The following SLCO1A2 variants were observed in gnomAD, a reference collection of about 807,000 sequenced individuals.
The protein encoded by SLCO1A2 is OATP-1.
A neutral mutation model predicts 69.0 loss-of-function variants in SLCO1A2; 67 were observed. That is an observed-to-expected ratio of 0.97 (90% CI 0.80 to 1.19). SLCO1A2 has a LOEUF of 1.19. SLCO1A2 is among the 50% of genes most tolerant of loss of function. SLCO1A2 has a pLI of 0.00. For missense variants in SLCO1A2, 787 were observed against 793.7 expected (o/e 0.99, Z 0.10); for synonymous variants, 260 against 265.9 (o/e 0.98, Z 0.22).
intron 14 of SLCO1A2, among the ~76,000 whole-genome samples, chr12:21,270,324 A>G (rs1942583773): frequency 6.6e-6 from 1 of 151,824 alleles, no homozygotes; most frequent in Non-Finnish European, 1.5e-5. Context: ...TATTACACCA[A>G]TAGATTTTCT....
chr12:21,309,484 C>A (rs927296615), intron 4 of SLCO1A2, among the ~76,000 whole-genome samples: 1 of 152,070 alleles, frequency 6.6e-6, no homozygotes, highest in Non-Finnish European at 1.5e-5. Context: ...TGAATAATAA[C>A]ACTTGATTAC....
chr12:21,319,056 G>A (rs948081887), intron 2 of SLCO1A2, 133 bp from the exon 3 acceptor site: 2 of 721,248 alleles, frequency 2.8e-6, no homozygotes, highest in Admixed American at 3.0e-5. Context: ...GCAAGAAACT[G>A]TAAAGTGTAG....
intron 2 of SLCO1A2, 117 bp downstream of exon 2, chr12:21,334,471 A>G (rs928456116): frequency 1.5e-6 from 1 of 686,918 alleles, no homozygotes; most frequent in East Asian, 2.8e-5. Context: ...TCAATAGAAC[A>G]GGCAATATGG....
At chr12:21,309,193 A>G (rs1949802563) in intron 4 of SLCO1A2, among the ~76,000 whole-genome samples, 1 of 152,210 alleles carries the variant, frequency 6.6e-6, no homozygotes, top group South Asian at 2.1e-4. Flanking sequence ...GGGATAAAAG[A>G]TGAGAAAAAC....
chr12:21,416,776 GA>G (rs1482940253), intron 1 of SLCO1A2, among the ~76,000 whole-genome samples: 1 of 151,272 alleles, frequency 6.6e-6, no homozygotes, highest in South Asian at 2.1e-4. Context: ...AGTCAACCAA[GA>G]AAAAAAATAC....
At chr12:21,274,206 T>C in intron 14 of SLCO1A2, 1 of 337,518 alleles carries the variant, frequency 3.0e-6, no homozygotes, top group Non-Finnish European at 5.5e-6. Flanking sequence ...TTGTGTTGAC[T>C]GCTAAGAATT....
intron 6 of SLCO1A2, 147 bp downstream of exon 6, chr12:21,304,280 T>C: frequency 1.6e-6 from 1 of 620,080 alleles, no homozygotes; most frequent in African/African-American, 1.8e-5. Flanking sequence ...CTCATCTCCA[T>C]TCAACAAACT....
chr12:21,285,072 GT>G (rs1945501022), intron 12 of SLCO1A2, among the ~76,000 whole-genome samples: 2 of 93,374 alleles, frequency 2.1e-5, no homozygotes, highest in Non-Finnish European at 4.3e-5. Context: ...CCAGGAGCTG[GT>G]TTTTTGAAAG....
intron 7 of SLCO1A2, 55 bp downstream of exon 7, chr12:21,301,116 A>C: frequency 3.7e-6 from 4 of 1,086,938 alleles, no homozygotes; most frequent in Non-Finnish European, 5.3e-6. Context: ...ATGATAACAT[A>C]CCTGAGATGC....
intron 1 of SLCO1A2, among the ~76,000 whole-genome samples, chr12:21,415,269 A>G (rs1474536857): frequency 1.3e-5 from 2 of 152,032 alleles, no homozygotes; most frequent in Non-Finnish European, 2.9e-5. Flanking sequence ...CTTGATTCCT[A>G]CCATACTACC....
intron 2 of SLCO1A2, among the ~76,000 whole-genome samples, chr12:21,350,896 G>C (rs976382949): frequency 1.4e-5 from 2 of 138,728 alleles, no homozygotes; most frequent in Non-Finnish European, 3.1e-5. Context: ...AAATTAGATT[G>C]ATTTTTATTT....
chr12:21,370,326 C>T (rs1446886660), intron 2 of SLCO1A2, among the ~76,000 whole-genome samples: 1 of 147,670 alleles, frequency 6.8e-6, no homozygotes, highest in Admixed American at 6.7e-5. Flanking sequence ...CCAGGTCTTC[C>T]TTTTCTTTTT....
chr12:21,377,936 T>G (rs1189738611), intron 1 of SLCO1A2, among the ~76,000 whole-genome samples: 1 of 152,192 alleles, frequency 6.6e-6, no homozygotes, highest in African/African-American at 2.4e-5. Flanking sequence ...TTTTTAAAAA[T>G]GTAAGACAAA....
chr12:21,351,941 A>G (rs1204360831), intron 2 of SLCO1A2, among the ~76,000 whole-genome samples: 1 of 152,122 alleles, frequency 6.6e-6, no homozygotes, highest in East Asian at 1.9e-4. Flanking sequence ...TTTGGGTCCC[A>G]GTTTAGATTG....
intron 2 of SLCO1A2, among the ~76,000 whole-genome samples, chr12:21,346,304 T>C (rs921612846): frequency 2.0e-5 from 3 of 152,180 alleles, no homozygotes; most frequent in African/African-American, 7.2e-5. Context: ...CAGAGGTGGC[T>C]TTCAGTGTCT....
chr12:21,378,726 G>A lies in SLCO1A2; in HGVS notation c.-189-4201C>T, dbSNP rs1375348018. Reference sequence around the variant, plus strand: ...TTTAAGAACGAAGGAGAAAAAGGTAGTTTGAACCTTGGTAAATTGTAAACA... The same window carrying A: ...TTTAAGAACGAAGGAGAAAAAGGTAATTTGAACCTTGGTAAATTGTAAACA... On this transcript the variant is annotated intron_variant, in intron 1 of 15. Transcript: ENST00000307378. 18 of 273,066 alleles carry A rather than the reference G, an allele frequency of 6.6e-5. 2 individuals are homozygous for A. The highest frequency in any genetic ancestry group is 1.2e-3 in the Middle Eastern group (1 of 802). 16.9% of individuals were successfully genotyped at this position (273,066 alleles called of 1,614,324 possible).
chr12:21,383,980 G>T (rs1940740236), intron 1 of SLCO1A2, among the ~76,000 whole-genome samples: 1 of 152,130 alleles, frequency 6.6e-6, no homozygotes, highest in Admixed American at 6.5e-5. Context: ...GTGTGATTAA[G>T]TTGATAGAGT....
rs1413805181 is a variant in SLCO1A2 at position 21,267,897 on chromosome 12, T to C, written c.*1651A>G. 6.6e-6 allele frequency: 1 copy of C among 152,098 alleles called. No individual in the cohort carries two copies. The highest frequency in any genetic ancestry group is 2.4e-5 in the African/African-American group (1 of 41,434). The allele number at this position is 152,098 out of a possible 1,614,324, so 9.4% of individuals were successfully genotyped here. On this transcript the variant is annotated 3_prime_UTR_variant, in exon 15 of 15. Coordinates refer to ENST00000683939, the MANE Select transcript of SLCO1A2 (RefSeq NM_001386879.1). The stretch of plus-strand genomic sequence containing the variant: ...GATATCTCACTGCTGCAGTCATACC[T>C]ACATCAAAGTTAAACTCCCCCTTTC...
intron 1 of SLCO1A2, among the ~76,000 whole-genome samples, chr12:21,414,785 A>G (rs761960656): frequency 1.3e-4 from 20 of 152,334 alleles, no homozygotes; most frequent in African/African-American, 4.6e-4. Context: ...AAATTTTAGT[A>G]TAATCCTGGA....
Sources: allele counts gnomAD v4.1 joint callset (sites outside exome capture counted in the v4.1 genomes callset), GRCh38; gene constraint gnomAD v4.1.1; transcripts MANE v1.5; gene names NCBI Gene and HGNC (gene_info 2026-07-23, HGNC 2026-07-21).